The following TMEM74 variants were observed in gnomAD, a reference collection of about 807,000 sequenced individuals.
The protein encoded by TMEM74 is transmembrane protein 74.
TMEM74 carries 13 observed loss-of-function variants against 18.1 expected under a neutral mutation model. The ratio of observed to expected loss-of-function variants is 0.72; its 90% CI spans 0.47 to 1.14. The LOEUF is 1.14. TMEM74 is among the 50% of genes most tolerant of loss of function. The probability of loss-of-function intolerance (pLI) is 0.00; values close to 1 mark genes in which losing one functional copy is unlikely to be tolerated. For synonymous variants in TMEM74, 159 were observed against 146.6 expected (o/e 1.08, Z -0.61); for missense variants, 372 against 375.9 (o/e 0.99, Z 0.09).
rs1049853193 is a variant in TMEM74 at position 108,650,579 on chromosome 8, C to T, written n.264+4714G>A. On this transcript the variant is annotated intron_variant and non_coding_transcript_variant, in intron 2 of 3. Coordinates refer to the TMEM74 transcript ENST00000518838. ...CCTTGACTATGTTGGCCTTGTTTGG[C>T]CTTGGGCCTTTGAATTTGTTCTTCC... is the stretch of plus-strand genomic sequence containing the variant. Among the ~76,000 whole-genome samples, 3 of 152,296 alleles carry T rather than the reference C, an allele frequency of 2.0e-5. No homozygotes were observed. In the East Asian group the frequency reaches 5.8e-4, roughly 29 times the overall value.
chr8:108,722,125 T>A (rs945385587), intron 1 of TMEM74, among the ~76,000 whole-genome samples: 1 of 152,342 alleles, frequency 6.6e-6, no homozygotes, highest in Admixed American at 6.5e-5. Flanking sequence ...AATTTGGAGT[T>A]GTAGTGTACC....
At chr8:108,660,175 T>C (rs1812885724) in intron 1 of TMEM74, among the ~76,000 whole-genome samples, 2 of 152,144 alleles carry the variant, frequency 1.3e-5, no homozygotes. Flanking sequence ...AGATGTTATC[T>C]CTCTCCCACC....
At chr8:108,718,201 G>A (rs1211991286) in intron 1 of TMEM74, among the ~76,000 whole-genome samples, 1 of 70,906 alleles carries the variant, frequency 1.4e-5, no homozygotes, top group Non-Finnish European at 2.3e-5. Context: ...CTCGTGATCC[G>A]CCCGCCTCGG....
intron 1 of TMEM74, among the ~76,000 whole-genome samples, chr8:108,716,147 A>G (rs1170696206): frequency 6.6e-6 from 1 of 152,114 alleles, no homozygotes; most frequent in Non-Finnish European, 1.5e-5. Context: ...GCTTAAATAT[A>G]GTAATTACTA....
exon 4 of TMEM74, chr8:108,607,100 G>A (rs1215474012): frequency 6.6e-6 from 1 of 152,066 alleles, no homozygotes; most frequent in Non-Finnish European, 1.5e-5. Context: ...GTAATCTTGG[G>A]GTAATCACAT....
chr8:108,698,737 T>C (rs1464001806), intron 1 of TMEM74, among the ~76,000 whole-genome samples: 5 of 152,224 alleles, frequency 3.3e-5, no homozygotes, highest in Non-Finnish European at 5.9e-5. Flanking sequence ...GCCATATCTA[T>C]GCTGCAAAGG....
chr8:108,756,072 G>A (rs2130656079), intron 1 of TMEM74, among the ~76,000 whole-genome samples: 1 of 152,048 alleles, frequency 6.6e-6, no homozygotes, highest in Non-Finnish European at 1.5e-5. Flanking sequence ...AACTGAAAAT[G>A]AGAGAGTTTA....
intron 1 of TMEM74, among the ~76,000 whole-genome samples, chr8:108,694,626 G>C (rs572291432): frequency 1.3e-5 from 2 of 152,300 alleles, no homozygotes; most frequent in East Asian, 3.9e-4. Context: ...GAAAGAGAAG[G>C]CTCGCTGTAT....
At chr8:108,664,717 A>G (rs1404718037) in intron 1 of TMEM74, among the ~76,000 whole-genome samples, 1 of 152,098 alleles carries the variant, frequency 6.6e-6, no homozygotes, top group Non-Finnish European at 1.5e-5. Context: ...AGTGGCCTAC[A>G]GGTATCTGCT....
intron 1 of TMEM74, among the ~76,000 whole-genome samples, chr8:108,748,429 T>C (rs879007465): frequency 6.6e-6 from 1 of 152,170 alleles, no homozygotes; most frequent in African/African-American, 2.4e-5. Context: ...TTTTTTCTTG[T>C]AAATTTGTTT....
intron 1 of TMEM74, among the ~76,000 whole-genome samples, chr8:108,720,742 AT>A (rs1563534915): frequency 6.8e-5 from 7 of 102,192 alleles, no homozygotes; most frequent in East Asian, 4.0e-4. Flanking sequence ...TTATTTATTT[AT>A]TTATTTATTT....
chr8:108,645,528 G>A (rs1433881355), intron 2 of TMEM74, among the ~76,000 whole-genome samples: 1 of 152,074 alleles, frequency 6.6e-6, no homozygotes, highest in African/African-American at 2.4e-5. Context: ...AGAAATCTGG[G>A]GTCAGTGATC....
chr8:108,662,135 A>T (rs943690800), intron 1 of TMEM74, among the ~76,000 whole-genome samples: 2 of 152,132 alleles, frequency 1.3e-5, no homozygotes, highest in Admixed American at 1.3e-4. Context: ...GATTTGGGAG[A>T]TAGAGCCTTC....
At chr8:108,619,126 A>G (rs1301437081) in intron 2 of TMEM74, among the ~76,000 whole-genome samples, 1 of 152,198 alleles carries the variant, frequency 6.6e-6, no homozygotes, top group African/African-American at 2.4e-5. Flanking sequence ...GGAAATTGAG[A>G]TACAGAGAGC....
chr8:108,725,397 C>T (rs1169027436), intron 1 of TMEM74, among the ~76,000 whole-genome samples: 1 of 152,138 alleles, frequency 6.6e-6, no homozygotes, highest in Non-Finnish European at 1.5e-5. Flanking sequence ...GGCTCAAAAC[C>T]ACTTCTTAAA....
At chr8:108,717,915 G>T (rs1030182752) in intron 1 of TMEM74, among the ~76,000 whole-genome samples, 1 of 145,466 alleles carries the variant, frequency 6.9e-6, no homozygotes, top group South Asian at 2.2e-4. Context: ...AACCATTGGC[G>T]GTTTCTAGTG....
At chr8:108,737,511 C>T (rs962026025) in intron 1 of TMEM74, among the ~76,000 whole-genome samples, 1 of 151,182 alleles carries the variant, frequency 6.6e-6, no homozygotes, top group Non-Finnish European at 1.5e-5. Context: ...TGTGTAGATT[C>T]TAAATATTAA....
At chr8:108,617,523 C>G (rs560504845) in intron 2 of TMEM74, among the ~76,000 whole-genome samples, 2 of 152,230 alleles carry the variant, frequency 1.3e-5, no homozygotes, top group South Asian at 4.1e-4. Flanking sequence ...GTCTAAGATT[C>G]CTCCATTCAA....
intron 1 of TMEM74, among the ~76,000 whole-genome samples, chr8:108,667,496 G>A (rs564372788): frequency 2.6e-5 from 4 of 152,128 alleles, no homozygotes; most frequent in South Asian, 4.2e-4. Context: ...TAATGGAAGC[G>A]TTTCACTGCT....
Sources: allele counts gnomAD v4.1 joint callset (sites outside exome capture counted in the v4.1 genomes callset), GRCh38; gene constraint gnomAD v4.1.1; transcripts MANE v1.5; gene names NCBI Gene and HGNC (gene_info 2026-07-23, HGNC 2026-07-21).